KIAA1549: variants seen among roughly 807,000 people sequenced by gnomAD.
The protein encoded by KIAA1549 is KIAA1549.
In KIAA1549, 70 loss-of-function variants were observed where a neutral mutation model predicts 156.4. That is an observed-to-expected ratio of 0.45 (90% confidence interval 0.37 to 0.55). The LOEUF is 0.55. Ranked by LOEUF, KIAA1549 falls within the 20% of genes least tolerant of loss-of-function variation. The pLI is 0.00. For synonymous variants in KIAA1549, 1,103 were observed against 1,066.4 expected (o/e 1.03, Z -0.67); for missense variants, 2,428 against 2,540.9 (o/e 0.96, Z 0.96).
intron 19 of KIAA1549, 61 bp downstream of exon 19, chr7:138,840,072 G>A (rs1809864140): frequency 5.5e-6 from 8 of 1,456,834 alleles, no homozygotes; most frequent in Non-Finnish European, 7.4e-6. Context: ...TTACAGGTGT[G>A]AGCCACCGCA....
At chr7:138,854,334 C>A (rs1438803521) in intron 16 of KIAA1549, among the ~76,000 whole-genome samples, 1 of 152,112 alleles carries the variant, frequency 6.6e-6, no homozygotes. Context: ...AGTGTCTCAG[C>A]CCAGGGATTT....
At position 138,934,913 on chromosome 7, in the gene KIAA1549, C is replaced by T. The variant is rs148359118; in HGVS notation, c.188-15475G>A. On this transcript the variant is annotated intron_variant, in intron 1 of 19. Transcript: ENST00000422774. ...GCTCATAAAAAGCACAGCTCTTCAG[C>T]ACTGGCAAAATACAATCCCATCCAG... 5.3e-3 allele frequency among the ~76,000 whole-genome samples: 800 copies of T among 152,308 alleles called. 7 individuals carry two copies. Among genetic ancestry groups the T allele is most frequent in the Non-Finnish European group, 9.1e-3 (616 of 68,024 alleles).
At chr7:138,863,969 T>C (rs1217282541) in intron 15 of KIAA1549, among the ~76,000 whole-genome samples, 6 of 152,206 alleles carry the variant, frequency 3.9e-5, no homozygotes, top group Non-Finnish European at 5.9e-5. Context: ...TCCACAGTCA[T>C]GCCCTTCTCC....
chr7:138,840,126 TACTC>T lies in KIAA1549; in HGVS notation c.5598+3_5598+6del, dbSNP rs1408559742. The stretch of plus-strand genomic sequence containing the variant: ...TTTAAATGATGACCCAAACAGGAGA[TACTC>T]ACGGCCTCTCTTCGCCCCGCTTCGT... On this transcript the variant is annotated splice_donor_5th_base_variant and intron_variant, in intron 19 of 19. Coordinates refer to ENST00000422774, the MANE Select transcript of KIAA1549 (RefSeq NM_001164665.2). 1.3e-6 allele frequency: 2 copies of T among 1,550,100 alleles called. No homozygotes were observed. Among genetic ancestry groups the T allele is most frequent in the South Asian group, 1.2e-5 (1 of 83,662 alleles).
rs748711231 is a variant in KIAA1549, at chr7:138,894,422, T to C, written c.3952A>G (p.Ile1318Val). The change falls in exon 10 of 20, where the codon ATC (isoleucine) becomes GTC (valine). Residue 1318 changes from isoleucine to valine, a missense_variant. By Grantham distance (29) the Ile-to-Val change is conservative. This residue lies in a region of KIAA1549 where 762 missense variants were observed against 901.6 expected (regional missense o/e 0.85). Coordinates refer to ENST00000422774, the MANE Select transcript of KIAA1549 (RefSeq NM_001164665.2). Reference protein sequence around the residue: ...PVLVVMVIVVILYWKLCRTDK... With the variant: ...PVLVVMVIVVVLYWKLCRTDK... Reference sequence around the variant, plus strand: ...GTGCGGCATAGTTTCCAGTAGAGGATGACAACAATCACCATCACCACCAGC... The same window carrying C: ...GTGCGGCATAGTTTCCAGTAGAGGACGACAACAATCACCATCACCACCAGC... 3.1e-6 allele frequency: 5 copies of C among 1,613,902 alleles called. No homozygotes were observed. Among genetic ancestry groups the C allele is most frequent in the Non-Finnish European group, 4.2e-6 (5 of 1,179,898 alleles).
intron 1 of KIAA1549, among the ~76,000 whole-genome samples, chr7:138,945,836 G>C (rs551806663): frequency 1.3e-5 from 2 of 152,098 alleles, no homozygotes; most frequent in Non-Finnish European, 2.9e-5. Flanking sequence ...TGAGACAGGA[G>C]GATGGCTTGA....
At chr7:138,850,084 A>G (rs1810195182) in intron 17 of KIAA1549, among the ~76,000 whole-genome samples, 1 of 152,174 alleles carries the variant, frequency 6.6e-6, no homozygotes, top group African/African-American at 2.4e-5. Flanking sequence ...ATACCCATTA[A>G]TGGAATTGCT....
At chr7:138,962,616 G>A (rs1040157492) in intron 1 of KIAA1549, among the ~76,000 whole-genome samples, 3 of 152,156 alleles carry the variant, frequency 2.0e-5, no homozygotes, top group Admixed American at 6.5e-5. Context: ...GGACATGAAG[G>A]TAGGAGGGGG....
intron 4 of KIAA1549, among the ~76,000 whole-genome samples, chr7:138,909,921 T>C (rs1243848136): frequency 2.0e-5 from 3 of 152,138 alleles, no homozygotes; most frequent in Non-Finnish European, 4.4e-5. Flanking sequence ...CACTCTAGCC[T>C]GAGCAACAAA....
intron 12 of KIAA1549, among the ~76,000 whole-genome samples, chr7:138,876,653 C>G (rs931127089): frequency 6.6e-6 from 1 of 152,204 alleles, no homozygotes; most frequent in African/African-American, 2.4e-5. Flanking sequence ...TTGGTATATT[C>G]CTGATGATAA....
chr7:138,975,436 G>A (rs1189458019), intron 1 of KIAA1549, among the ~76,000 whole-genome samples: 4 of 152,112 alleles, frequency 2.6e-5, no homozygotes, highest in Admixed American at 1.3e-4. Context: ...AAGGACAGAT[G>A]CTGCTTATAA....
At chr7:138,912,301 CCTCTAACCTGGGG>C in intron 3 of KIAA1549, 58 bp downstream of exon 3, 1 of 1,084,832 alleles carries the variant, frequency 9.2e-7, no homozygotes, top group Non-Finnish European at 1.4e-6. Context: ...TAATCACCTG[CCTCTAACCTGGGG>C]CTCTCACATC....
chr7:138,885,146 G>A (rs924441777), intron 10 of KIAA1549, among the ~76,000 whole-genome samples: 2 of 152,192 alleles, frequency 1.3e-5, no homozygotes, highest in African/African-American at 4.8e-5. Flanking sequence ...GGTGAGCTGA[G>A]ATCGAACCGT....
intron 1 of KIAA1549, among the ~76,000 whole-genome samples, chr7:138,952,498 A>C (rs554142916): frequency 5.3e-4 from 80 of 152,310 alleles, no homozygotes; most frequent in African/African-American, 1.9e-3. Context: ...TGTAGTTCCC[A>C]GGAATAAAGT....
chr7:138,861,169 G>C lies in KIAA1549; in HGVS notation c.5217C>G (p.Ser1739Arg). 6.2e-7 allele frequency: 1 copy of C among 1,613,850 alleles called. No individual in the cohort carries two copies. The change falls in exon 16 of 20, where the codon AGC becomes AGG. Residue 1739 changes from serine to arginine, a missense_variant. Around this residue, in one of 5 missense-constraint regions of KIAA1549, gnomAD observed 363 missense variants for 354.0 expected, o/e 1.03. Transcript: ENST00000422774. ...AGGGATTGTTGGCCGTCTGGGCTGG[G>C]CTGTAGAAGGACCCCCACTGGGTGG... ...RRATQWGSFY[S>R]PAQTANNPCS... is the part of the protein sequence containing the mutation.
At chr7:138,936,963 A>G (rs1338744049) in intron 1 of KIAA1549, among the ~76,000 whole-genome samples, 2 of 151,990 alleles carry the variant, frequency 1.3e-5, no homozygotes, top group African/African-American at 2.4e-5. Context: ...TGATCAATCA[A>G]TTCTGTATAT....
chr7:138,923,458 G>T (rs1812620787), intron 1 of KIAA1549, among the ~76,000 whole-genome samples: 1 of 152,096 alleles, frequency 6.6e-6, no homozygotes, highest in Admixed American at 6.5e-5. Context: ...AAATTTGCTG[G>T]GTGTGGTGGC....
chr7:138,896,510 C>G (rs529539793), intron 9 of KIAA1549, among the ~76,000 whole-genome samples: 1 of 151,934 alleles, frequency 6.6e-6, no homozygotes, highest in Non-Finnish European at 1.5e-5. Context: ...ATAAAAGCAA[C>G]GGACAATATA....
intron 17 of KIAA1549, among the ~76,000 whole-genome samples, chr7:138,845,697 T>C (rs1810053687): frequency 6.6e-6 from 1 of 152,196 alleles, no homozygotes; most frequent in Admixed American, 6.5e-5. Flanking sequence ...TCCCATTCAT[T>C]AATCTCATCA....
Sources: gnomAD v4.1 joint callset for allele counts (sites outside exome capture counted in the v4.1 genomes callset) on GRCh38, gnomAD v4.1.1 for gene constraint, gnomAD v4.1.1 regional missense constraint, MANE v1.5 for transcripts, NCBI Gene and HGNC (gene_info 2026-07-23, HGNC 2026-07-21) for gene names.